The following IQCH variants were observed in gnomAD, a reference collection of about 807,000 sequenced individuals.
The protein encoded by IQCH is IQ motif containing H.
IQCH carries 98 observed loss-of-function variants against 117.0 expected under a neutral mutation model. The observed-to-expected ratio is 0.84, with a 90% CI of 0.71 to 0.99. The LOEUF is 0.99. Ranked by LOEUF, IQCH falls within the 50% of genes least tolerant of loss-of-function variation. The pLI is 0.00. For synonymous variants in IQCH, 412 were observed against 448.2 expected (o/e 0.92, Z 1.02); for missense variants, 1,102 against 1,243.8 (o/e 0.89, Z 1.72).
In IQCH at chr15:67,476,035, C is replaced by T. The variant is rs1204706431; in HGVS notation, c.2799+217C>T. On this transcript the variant is annotated intron_variant, in intron 18 of 20. Transcript: ENST00000335894. This position sits in a 1 kb window ranked among gnomAD's most constrained non-coding sequence, Gnocchi z 4.1. The stretch of plus-strand genomic sequence containing the variant: ...AAGTTCTACTTCGTCTCCAATCTTA[C>T]ACACCCACTTTGCTAAAGCAGAAGC... Among the ~76,000 whole-genome samples the T allele has an allele frequency of 1.3e-5, 2 of 152,228 alleles. No individual in the cohort carries two copies. Among genetic ancestry groups the T allele is most frequent in the Non-Finnish European group, 2.9e-5 (2 of 68,042 alleles).
Position 67,344,037 on chromosome 15 carries a change from C to T in IQCH, c.509-26C>T, listed in dbSNP as rs1330216639. ...TTGTGGAATTGCTTGGAATTAAACTCACATTTTATTAATGTTTCTTTTTAG... is the reference window on the plus strand; with the variant it reads ...TTGTGGAATTGCTTGGAATTAAACTTACATTTTATTAATGTTTCTTTTTAG... On this transcript the variant is annotated intron_variant, in intron 5 of 20. Transcript: ENST00000335894. 11 of 1,602,648 alleles carry T rather than the reference C, an allele frequency of 6.9e-6. No homozygotes were observed. In the Admixed American group the frequency reaches 1.9e-4, roughly 27 times the overall value.
At chr15:67,314,004 T>G (rs910545462) in intron 4 of IQCH, among the ~76,000 whole-genome samples, 3 of 152,106 alleles carry the variant, frequency 2.0e-5, no homozygotes, top group African/African-American at 7.2e-5. Context: ...CCCTGACCAT[T>G]TACATACAAC....
chr15:67,310,637 A>T (rs532027656), intron 4 of IQCH, among the ~76,000 whole-genome samples: 1 of 152,234 alleles, frequency 6.6e-6, no homozygotes, highest in Admixed American at 6.5e-5. Context: ...TAATATAGCC[A>T]TATCATGATA....
At chr15:67,351,793 C>A (rs1969673992) in intron 6 of IQCH, among the ~76,000 whole-genome samples, 1 of 152,050 alleles carries the variant, frequency 6.6e-6, no homozygotes, top group African/African-American at 2.4e-5. Flanking sequence ...ACATCAGCTT[C>A]CTTTTGGTTA....
chr15:67,288,981 G>A (rs777997783), intron 4 of IQCH, among the ~76,000 whole-genome samples: 1 of 152,120 alleles, frequency 6.6e-6, no homozygotes, highest in Non-Finnish European at 1.5e-5. Flanking sequence ...GAGGAGAGGT[G>A]CTCACAGTGG....
chr15:67,471,799 A>G (rs2141037104), intron 17 of IQCH, among the ~76,000 whole-genome samples: 1 of 152,370 alleles, frequency 6.6e-6, no homozygotes, highest in Middle Eastern at 3.4e-3. Flanking sequence ...CAGGCTGGAC[A>G]TAAGACAATC....
chr15:67,331,098 G>A (rs1183361101), intron 4 of IQCH, among the ~76,000 whole-genome samples: 1 of 152,184 alleles, frequency 6.6e-6, no homozygotes, highest in Non-Finnish European at 1.5e-5. Flanking sequence ...GTATGCACAA[G>A]AGAAAAAGAA....
rs937621551 is a variant in IQCH at position 67,393,393 on chromosome 15, G to A, written c.1633-1898G>A. 1.3e-5 allele frequency among the ~76,000 whole-genome samples: 2 copies of A among 152,154 alleles called. No individual in the cohort carries two copies. Among genetic ancestry groups the A allele is most frequent in the Admixed American group, 1.3e-4 (2 of 15,280 alleles). The stretch of plus-strand genomic sequence containing the variant: ...TAGCATTTCTCCATATTTTTATGCT[G>A]CAGTGAGTAGATAATTTTTCACTAG... On this transcript the variant is annotated intron_variant, in intron 12 of 20. Transcript: ENST00000335894. The surrounding 1 kb of genome is among the most constrained non-coding windows in gnomAD (Gnocchi z 5.5).
chr15:67,467,422 G>T lies in IQCH; in HGVS notation c.2676+2125G>T, dbSNP rs1273431507. Among the ~76,000 whole-genome samples the T allele has an allele frequency of 6.6e-6, 1 of 152,150 alleles. No homozygotes were observed. Among genetic ancestry groups the T allele is most frequent in the African/African-American group, 2.4e-5 (1 of 41,424 alleles). ...ATAGGCAACATTCTCCTGTGATCAA[G>T]TCTTAAACATTTTTAGGAAGTGCAT... is the stretch of plus-strand genomic sequence containing the variant. On this transcript the variant is annotated intron_variant, in intron 17 of 20. Coordinates refer to ENST00000335894, the MANE Select transcript of IQCH (RefSeq NM_001031715.3). The surrounding 1 kb of genome is among the most constrained non-coding windows in gnomAD (Gnocchi z 5.7).
chr15:67,336,733 G>A (rs566739063), intron 4 of IQCH, among the ~76,000 whole-genome samples: 2 of 152,168 alleles, frequency 1.3e-5, no homozygotes, highest in Middle Eastern at 3.4e-3. Context: ...CTACTATGTT[G>A]ACTTTATATA....
At position 67,340,343 on chromosome 15, in the gene IQCH, G is replaced by A. The variant is rs138580959; in HGVS notation, c.508+3248G>A. ...CTCTGGAGGCTGAGGCATGAGAATT[G>A]CTTGAACCCGGGAGGCAGAGGTACA... On this transcript the variant is annotated intron_variant, in intron 5 of 20. Coordinates refer to ENST00000335894, the MANE Select transcript of IQCH (RefSeq NM_001031715.3). Among the ~76,000 whole-genome samples the A allele has an allele frequency of 8.2e-3, 1,159 of 141,706 alleles. 6 individuals are homozygous for A. The highest frequency in any genetic ancestry group is 0.014 in the Middle Eastern group (4 of 276). The allele number at this position is 141,706 out of a possible 152,430, so 93.0% of individuals were successfully genotyped here. A position where few individuals can be genotyped will look rare whatever the true frequency, so the allele number is the denominator to read the frequency against.
At chr15:67,313,623 G>T (rs759422034) in intron 4 of IQCH, among the ~76,000 whole-genome samples, 3 of 152,168 alleles carry the variant, frequency 2.0e-5, no homozygotes, top group Non-Finnish European at 4.4e-5. Flanking sequence ...GAGTAACAGA[G>T]GATGGCTTAG....
chr15:67,323,013 A>T (rs1249574460), intron 4 of IQCH, among the ~76,000 whole-genome samples: 1 of 152,184 alleles, frequency 6.6e-6, no homozygotes, highest in African/African-American at 2.4e-5. Flanking sequence ...AGAGGAAAGC[A>T]CACCAAATGG....
intron 4 of IQCH, among the ~76,000 whole-genome samples, chr15:67,316,896 G>A (rs945155495): frequency 2.7e-4 from 41 of 152,154 alleles, no homozygotes; most frequent in Admixed American, 1.6e-3. Context: ...GACAGATCTG[G>A]GCCCAGTCAA....
chr15:67,319,010 G>T (rs1452144021), intron 4 of IQCH, among the ~76,000 whole-genome samples: 2 of 152,138 alleles, frequency 1.3e-5, no homozygotes, highest in African/African-American at 4.8e-5. Flanking sequence ...GCAGTATCAC[G>T]AGGTCAGGAG....
intron 18 of IQCH, among the ~76,000 whole-genome samples, chr15:67,480,777 A>G (rs1041178420): frequency 6.6e-6 from 1 of 152,148 alleles, no homozygotes; most frequent in African/African-American, 2.4e-5. Context: ...TAATACCTGC[A>G]ATTACTTGGA....
rs2083619483 is a variant in IQCH, at chr15:67,490,496, G to C, written c.2861+432G>C. On this transcript the variant is annotated intron_variant, in intron 19 of 20. Coordinates refer to ENST00000335894, the MANE Select transcript of IQCH (RefSeq NM_001031715.3). This position sits in a 1 kb window ranked among gnomAD's most constrained non-coding sequence, Gnocchi z 4.9. ...TGGGATTACAGGCCTGAGCCACTGC[G>C]CCCAGCCTAGGTATTTTATAAAATG... 6.6e-6 allele frequency among the ~76,000 whole-genome samples: 1 copy of C among 152,090 alleles called. No homozygotes were observed. The highest frequency in any genetic ancestry group is 2.4e-5 in the African/African-American group (1 of 41,414).
chr15:67,484,183 A>C (rs2083411763), intron 18 of IQCH, among the ~76,000 whole-genome samples: 1 of 152,262 alleles, frequency 6.6e-6, no homozygotes, highest in African/African-American at 2.4e-5. Context: ...AGGTAGGTAG[A>C]TTACTTGAGC....
At chr15:67,373,220 A>G (rs1970615165) in intron 9 of IQCH, 147 bp from the exon 10 acceptor site, 4 of 565,588 alleles carry the variant, frequency 7.1e-6, no homozygotes, top group Non-Finnish European at 1.2e-5. Context: ...AATTAAATTA[A>G]TTGGGGAAGA....
Sources: gnomAD v4.1 joint callset for allele counts (sites outside exome capture counted in the v4.1 genomes callset) on GRCh38, gnomAD v4.1.1 for gene constraint, Gnocchi (gnomAD v3.1) non-coding constraint, MANE v1.5 for transcripts, NCBI Gene and HGNC (gene_info 2026-07-23, HGNC 2026-07-21) for gene names.